Variants in SYNJ1 observed in about 807,000 individuals in gnomAD.
The protein encoded by SYNJ1 is polyphosphatidylinositol phosphatase SYNJ1.
In SYNJ1, 78 loss-of-function variants were observed where a neutral mutation model predicts 168.2. The observed-to-expected ratio is 0.46, with a 90% confidence interval of 0.39 to 0.56. The LOEUF (loss-of-function observed/expected upper bound fraction) is 0.56. SYNJ1 is among the 20% of genes least tolerant of loss of function. The probability of loss-of-function intolerance (pLI) is 0.00; values close to 1 mark genes in which losing one functional copy is unlikely to be tolerated. For synonymous variants in SYNJ1, 539 were observed against 548.6 expected, an observed-to-expected ratio of 0.98 and a Z score of 0.24; for missense variants, 1,303 against 1,597.6, an observed-to-expected ratio of 0.82 and a Z score of 3.14.
chr21:32,695,388 G>A (rs2042165434), intron 4 of SYNJ1, 106 bp from the exon 5 acceptor site: 5 of 1,085,500 alleles, frequency 4.6e-6, no homozygotes, highest in Non-Finnish European at 6.4e-6. Flanking sequence ...TAAATTTAAA[G>A]GCACAAACAA....
At chr21:32,666,888 G>GT (rs1316698197) in intron 15 of SYNJ1, among the ~76,000 whole-genome samples, 2 of 152,154 alleles carry the variant, frequency 1.3e-5, no homozygotes, top group African/African-American at 4.8e-5. Flanking sequence ...AAGTATAGAA[G>GT]TATCTGTGGG....
At chr21:32,704,824 A>G (rs1358784220) in intron 2 of SYNJ1, among the ~76,000 whole-genome samples, 1 of 152,208 alleles carries the variant, frequency 6.6e-6, no homozygotes, top group Non-Finnish European at 1.5e-5. Flanking sequence ...AAATGCAAAC[A>G]GAGAAACTAG....
chr21:32,681,426 G>C (rs1601402752), intron 11 of SYNJ1, 70 bp downstream of exon 11: 1 of 1,463,368 alleles, frequency 6.8e-7, no homozygotes, highest in East Asian at 2.4e-5. Flanking sequence ...CTTTTAAAAG[G>C]CCATTTAAAA....
chr21:32,681,053 T>C (rs1317648007), intron 11 of SYNJ1, among the ~76,000 whole-genome samples: 1 of 152,212 alleles, frequency 6.6e-6, no homozygotes, highest in Admixed American at 6.5e-5. Context: ...CCAAGTGGCA[T>C]ACGTCACACA....
chr21:32,641,878 A>G lies in SYNJ1; in HGVS notation c.3588+18T>C. 6.3e-7 allele frequency: 1 copy of G among 1,592,484 alleles called. No individual in the cohort carries two copies. Among genetic ancestry groups the G allele is most frequent in the Non-Finnish European group, 8.6e-7 (1 of 1,167,338 alleles). On this transcript the variant is annotated intron_variant, in intron 29 of 32. Transcript: ENST00000674351. ...CTTAGAACCGAGACCCCTTGGCCCC[A>G]GGCGAGGTTTTACCTACCGGTCTGG...
chr21:32,648,133 TCTA>T (rs1333095351), intron 23 of SYNJ1, among the ~76,000 whole-genome samples: 1 of 152,178 alleles, frequency 6.6e-6, no homozygotes. Context: ...GTGACACTGC[TCTA>T]CTATTCTGCC....
rs572830078 is a variant in SYNJ1 at position 32,634,997 on chromosome 21, C to A, written c.3916-113G>T. ...TGCTTTCTAAGTTACAGACAGAACC[C>A]AAGAGCAGCAATATTTGCAGGTTGT... On this transcript the variant is annotated intron_variant, in intron 31 of 32. Transcript: ENST00000674351. The A allele has an allele frequency of 4.5e-5, 45 of 1,000,802 alleles. 1 individual carries two copies. In the South Asian group the frequency reaches 5.8e-4, roughly 13 times the overall value. 62.0% of individuals were successfully genotyped at this position (1,000,802 alleles called of 1,614,324 possible).
At chr21:32,673,953 T>C (rs1181863006) in intron 13 of SYNJ1, among the ~76,000 whole-genome samples, 3 of 152,358 alleles carry the variant, frequency 2.0e-5, no homozygotes, top group South Asian at 4.1e-4. Context: ...TTTATTTTTC[T>C]CCAAACAAAA....
upstream of SYNJ1, chr21:32,728,103 G>A: frequency 6.7e-7 from 1 of 1,495,276 alleles, no homozygotes; most frequent in Non-Finnish European, 8.9e-7. Context: ...CATCAGGAGG[G>A]AGACCACGCC....
upstream of SYNJ1, chr21:32,728,376 C>T (rs1484857249): frequency 7.8e-6 from 2 of 257,656 alleles, no homozygotes; most frequent in Non-Finnish European, 1.5e-5. Flanking sequence ...CCGCCGCCCC[C>T]ACGGGCCTGA....
At chr21:32,649,853 G>A (rs559015881) in intron 23 of SYNJ1, among the ~76,000 whole-genome samples, 1 of 152,074 alleles carries the variant, frequency 6.6e-6, no homozygotes, top group Non-Finnish European at 1.5e-5. Flanking sequence ...GGGTTCATGC[G>A]ATTCTCCTGC....
chr21:32,728,057 G>A, upstream of SYNJ1: 1 of 1,526,730 alleles, frequency 6.5e-7, no homozygotes, highest in African/African-American at 1.4e-5. Flanking sequence ...GCGGCCGGGG[G>A]CGGAAGATCC....
At chr21:32,711,778 A>G (rs911137188) in intron 2 of SYNJ1, among the ~76,000 whole-genome samples, 2 of 152,160 alleles carry the variant, frequency 1.3e-5, no homozygotes, top group Non-Finnish European at 2.9e-5. Context: ...TCATATACCT[A>G]TTTCTTGATT....
In SYNJ1 at chr21:32,688,287, T is replaced by C. The variant is rs1006755620; in HGVS notation, c.851+19A>G. On this transcript the variant is annotated intron_variant, in intron 7 of 32. Transcript: ENST00000674351. ...TTAGCAATATCAAAACTTAAAGCACTATGTAAAAATTGTCTTACCTGTCAA... is the reference window on the plus strand; with the variant it reads ...TTAGCAATATCAAAACTTAAAGCACCATGTAAAAATTGTCTTACCTGTCAA... The C allele has an allele frequency of 6.2e-7, 1 of 1,609,456 alleles. No individual in the cohort carries two copies. The highest frequency in any genetic ancestry group is 8.5e-7 in the Non-Finnish European group (1 of 1,177,662).
rs1401179706 is a variant in SYNJ1 at position 32,656,186 on chromosome 21, CTT to C, written c.2795+499_2795+500del. On this transcript the variant is annotated intron_variant, in intron 21 of 32. Transcript: ENST00000674351. ...GTGGCTCACGCCTGTAATCCCAGCACTTTGTGGGGCTGAGCTGGGCAGATCGC... is the reference window on the plus strand; with the variant it reads ...GTGGCTCACGCCTGTAATCCCAGCACTGTGGGGCTGAGCTGGGCAGATCGC... 2.0e-5 allele frequency among the ~76,000 whole-genome samples: 3 copies of C among 152,358 alleles called. No individual in the cohort carries two copies. In the East Asian group the frequency reaches 5.8e-4, roughly 29 times the overall value.
intron 2 of SYNJ1, among the ~76,000 whole-genome samples, chr21:32,703,083 C>T (rs2042469689): frequency 6.6e-6 from 1 of 152,274 alleles, no homozygotes. Flanking sequence ...CCTGCTTCAC[C>T]TCTTTTCAGA....
At chr21:32,727,407 G>T (rs1463648603) in intron 1 of SYNJ1, among the ~76,000 whole-genome samples, 1 of 152,180 alleles carries the variant, frequency 6.6e-6, no homozygotes, top group Non-Finnish European at 1.5e-5. Context: ...ATTATCCCAC[G>T]CGACAGGCTC....
At chr21:32,663,151 C>T (rs2833940) in intron 18 of SYNJ1, among the ~76,000 whole-genome samples, 68,493 of 151,938 alleles carry the variant, frequency 0.45, 16,019 homozygotes, top group Admixed American at 0.52. Flanking sequence ...TCAATGGCCA[C>T]GAGAAGCCCG....
At chr21:32,688,182 A>G in intron 7 of SYNJ1, 124 bp downstream of exon 7, 2 of 849,096 alleles carry the variant, frequency 2.4e-6, no homozygotes, top group Non-Finnish European at 1.8e-6. Flanking sequence ...CTGTCTTTCA[A>G]TTAAATTAGG....
Sources: gnomAD v4.1 joint callset for allele counts (sites outside exome capture counted in the v4.1 genomes callset) on GRCh38, gnomAD v4.1.1 for gene constraint, MANE v1.5 for transcripts, NCBI Gene and HGNC (gene_info 2026-07-23, HGNC 2026-07-21) for gene names.